The following MGAM variants were observed in gnomAD, a reference collection of about 807,000 sequenced individuals.
MGAM encodes the protein alpha-1,4-glucosidase.
A neutral mutation model predicts 358.8 loss-of-function variants in MGAM; 253 were observed. The observed-to-expected ratio is 0.71, with a 90% CI of 0.64 to 0.78. MGAM has a LOEUF of 0.78. Among genes scored for constraint, MGAM ranks in the 30% least tolerant of loss-of-function variants. MGAM has a pLI of 0.00. For synonymous variants in MGAM, 1,105 were observed against 1,227.1 expected, an observed-to-expected ratio of 0.90 and a Z score of 2.08; for missense variants, 3,080 against 3,432.6, an observed-to-expected ratio of 0.90 and a Z score of 2.57.
intron 2 of MGAM, among the ~76,000 whole-genome samples, 174 bp from the exon 3 acceptor site, chr7:142,008,332 G>A (rs1283125567): frequency 1.3e-5 from 2 of 152,080 alleles, no homozygotes; most frequent in Admixed American, 6.6e-5. Context: ...GATACACAAA[G>A]GTAAATACAG....
chr7:142,036,051 C>G (rs575521164), intron 16 of MGAM, 118 bp from the exon 17 acceptor site: 3 of 735,620 alleles, frequency 4.1e-6, no homozygotes, highest in African/African-American at 3.6e-5. Context: ...TTTGACCACC[C>G]TCCTAGCCTT....
rs924566584 is a variant in MGAM at position 142,076,354 on chromosome 7, C to T, written c.5325+102C>T. On this transcript the variant is annotated intron_variant, in intron 46 of 70. Transcript: ENST00000475668. ...GTGATTATATTTGTAACTTTATATG[C>T]ATTATTGGCTATAGGTGAGCACATT... 19 of 1,153,332 alleles carry T rather than the reference C, an allele frequency of 1.6e-5. 2 individuals carry two copies. Among genetic ancestry groups the T allele is most frequent in the Non-Finnish European group, 2.3e-5 (18 of 774,710 alleles). 71.4% of individuals were successfully genotyped at this position (1,153,332 alleles called of 1,614,324 possible). A position where few individuals can be genotyped will look rare whatever the true frequency, so the allele number is the denominator to read the frequency against.
intron 31 of MGAM, 83 bp downstream of exon 31, chr7:142,058,411 G>T: frequency 6.3e-7 from 1 of 1,588,132 alleles, no homozygotes; most frequent in Non-Finnish European, 8.6e-7. Flanking sequence ...ATGTTTGTTG[G>T]ATTCCATAAA....
At chr7:142,047,915 C>T in intron 22 of MGAM, 42 bp downstream of exon 22, 1 of 1,446,040 alleles carries the variant, frequency 6.9e-7, no homozygotes, top group Non-Finnish European at 9.7e-7. Context: ...CCAACCTGCA[C>T]CTGTGACTTA....
At position 142,038,982 on chromosome 7, in the gene MGAM, G is replaced by C. The variant is rs1205028320; in HGVS notation, c.2316+367G>C. Among the ~76,000 whole-genome samples, 5 of 152,194 alleles carry C rather than the reference G, an allele frequency of 3.3e-5. No individual in the cohort carries two copies. In the South Asian group the frequency reaches 1.0e-3, roughly 32 times the overall value. ...AAGCTTTACAAGAAGCATGATGCTGGTATCTGTGCAGCTTCTAGGGAGGCC... is the reference window on the plus strand; with the variant it reads ...AAGCTTTACAAGAAGCATGATGCTGCTATCTGTGCAGCTTCTAGGGAGGCC... On this transcript the variant is annotated intron_variant, in intron 19 of 70. Transcript: ENST00000475668.
rs1234401612 is a variant in MGAM at position 142,095,691 on chromosome 7, G to A, written c.7585G>A (p.Val2529Ile). The A allele has an allele frequency of 1.2e-6, 2 of 1,613,896 alleles. No individual in the cohort carries two copies. The highest frequency in any genetic ancestry group is 1.7e-6 in the Non-Finnish European group (2 of 1,179,900). ...MHKAHTEGVT[V>I]VRPLLHEFVS... is the part of the protein sequence containing the mutation. ...TAAGGCCCACACGGAGGGCGTCACT[G>A]TTGTGCGGCCTCTGCTCCATGAGTG... Residue 2529 changes from valine to isoleucine, a missense_variant, in exon 64 of 71, where the codon GTT becomes ATT. Val to Ile is a conservative substitution (Grantham distance 29). Around this residue, in one of 5 missense-constraint regions of MGAM, gnomAD observed 932 missense variants for 1,198.2 expected, o/e 0.78. Transcript: ENST00000475668.
intron 21 of MGAM, among the ~76,000 whole-genome samples, chr7:142,044,563 C>A (rs187108282): frequency 4.6e-4 from 61 of 133,182 alleles, no homozygotes; most frequent in Non-Finnish European, 6.8e-4. Flanking sequence ...ATTATATACA[C>A]GTGTAATATA....
At position 142,064,479 on chromosome 7, in the gene MGAM, G is replaced by C. The variant is rs778789236; in HGVS notation, c.4441G>C (p.Val1481Leu). 2 of 1,585,990 alleles carry C rather than the reference G, an allele frequency of 1.3e-6. No homozygotes were observed. Among genetic ancestry groups the C allele is most frequent in the Non-Finnish European group, 8.6e-7 (1 of 1,166,006 alleles). The stretch of plus-strand genomic sequence containing the variant: ...CGGCTCCCTGGTGCAGCACTACAAC[G>C]TGCACAACCTGTATGGGTGGTCCCA... ...PDGSLVQHYN[V>L]HNLYGWSQTR... The change falls in exon 37 of 71, where the codon GTG becomes CTG. Residue 1481 changes from valine to leucine, a missense_variant. Transcript: ENST00000475668.
chr7:142,051,943 A>G (rs1324517255), intron 24 of MGAM, among the ~76,000 whole-genome samples: 1 of 152,140 alleles, frequency 6.6e-6, no homozygotes, highest in Admixed American at 6.6e-5. Flanking sequence ...TGGGCATTGG[A>G]GAGCAAGAGG....
chr7:142,002,036 T>C (rs1804776983), intron 1 of MGAM, among the ~76,000 whole-genome samples: 1 of 152,100 alleles, frequency 6.6e-6, no homozygotes. Flanking sequence ...AATGGTATGG[T>C]TGGGAATCAA....
intron 27 of MGAM, 149 bp downstream of exon 27, chr7:142,055,057 A>G: frequency 9.6e-7 from 1 of 1,040,480 alleles, no homozygotes; most frequent in Non-Finnish European, 1.4e-6. Context: ...CTATTCTTAC[A>G]GGAAATCTTT....
chr7:142,056,206 G>A, intron 29 of MGAM, 110 bp downstream of exon 29: 1 of 948,262 alleles, frequency 1.1e-6, no homozygotes, highest in African/African-American at 1.6e-5. Context: ...TCATTTTACG[G>A]GCACTGCTGT....
In MGAM at chr7:142,065,363, G is replaced by A. The variant is rs774586942; in HGVS notation, c.4513G>A (p.Gly1505Arg). The A allele has an allele frequency of 3.1e-6, 5 of 1,610,476 alleles. No homozygotes were observed. Among genetic ancestry groups the A allele is most frequent in the Non-Finnish European group, 4.2e-6 (5 of 1,178,570 alleles). ...EAVQEVTGQR[G>R]VVITRSTFPS... is the part of the protein sequence containing the mutation. The stretch of plus-strand genomic sequence containing the variant: ...CGTGCAGGAGGTGACGGGACAGCGA[G>A]GGGTCGTCATCACCCGCTCCACATT... The change falls in exon 38 of 71, where the codon GGG becomes AGG. Residue 1505 changes from glycine to arginine, a missense_variant. Physicochemically the swap from Gly to Arg is moderately radical, Grantham distance 125. Coordinates refer to ENST00000475668, the MANE Select transcript of MGAM (RefSeq NM_001365693.1).
chr7:142,087,882 C>A (rs1814902402), intron 57 of MGAM, among the ~76,000 whole-genome samples: 1 of 146,554 alleles, frequency 6.8e-6, no homozygotes, highest in Admixed American at 6.9e-5. Context: ...TTTGGGAGTT[C>A]TTTCTACGTA....
intron 67 of MGAM, 100 bp from the exon 68 acceptor site, chr7:142,100,702 C>A (rs1816367646): frequency 1.1e-5 from 11 of 1,007,820 alleles, no homozygotes; most frequent in African/African-American, 1.6e-5. Context: ...TCTTTATCCC[C>A]CAAAGCACTT....
intron 47 of MGAM, 130 bp from the exon 48 acceptor site, chr7:142,078,188 T>C (rs1813905549): frequency 1.3e-6 from 1 of 753,700 alleles, no homozygotes; most frequent in African/African-American, 1.7e-5. Context: ...AGTGATATGT[T>C]GCTTGGATGG....
intron 70 of MGAM, among the ~76,000 whole-genome samples, chr7:142,104,861 G>A (rs1292633672): frequency 6.6e-6 from 1 of 152,066 alleles, no homozygotes; most frequent in Admixed American, 6.5e-5. Context: ...TTTCTTCCTT[G>A]TGTGCTTACT....
rs1229507526 is a variant in MGAM, at chr7:142,044,849, C to G, written c.2499-2936C>G. Among the ~76,000 whole-genome samples the G allele has an allele frequency of 3.4e-5, 2 of 59,166 alleles. 1 individual carries two copies. Among genetic ancestry groups the G allele is most frequent in the Non-Finnish European group, 6.3e-5 (2 of 31,766 alleles). The allele number at this position is 59,166 out of a possible 152,430, so 38.8% of individuals were successfully genotyped here. A position where few individuals can be genotyped will look rare whatever the true frequency, so the allele number is the denominator to read the frequency against. On this transcript the variant is annotated intron_variant, in intron 21 of 70. Transcript: ENST00000475668. The stretch of plus-strand genomic sequence containing the variant: ...TATGATATATAATGTATATTACATA[C>G]ACGTGTAATATATGATATATAATGT...
At chr7:142,045,208 A>ACATATATGATATATAATATATATTATAT in intron 21 of MGAM, among the ~76,000 whole-genome samples, 1,247 of 11,778 alleles carry the variant, frequency 0.11, 35 homozygotes, top group Admixed American at 0.15. Context: ...TATATTATAT[A>ACATATATGATATATAATATATATTATAT]ACATATATGT....
Sources: allele counts gnomAD v4.1 joint callset (sites outside exome capture counted in the v4.1 genomes callset), GRCh38; gene constraint gnomAD v4.1.1; regional missense constraint gnomAD v4.1.1; transcripts MANE v1.5; gene names NCBI Gene and HGNC (gene_info 2026-07-23, HGNC 2026-07-21).